PTGER4: variants seen among roughly 807,000 people sequenced by gnomAD.
The protein encoded by PTGER4 is prostaglandin E receptor 4.
PTGER4 carries 11 observed loss-of-function variants against 33.2 expected under a neutral mutation model. The ratio of observed to expected loss-of-function variants is 0.33; its 90% CI spans 0.21 to 0.55. The LOEUF (loss-of-function observed/expected upper bound fraction) is 0.55. PTGER4 is among the 20% of genes least tolerant of loss of function. The pLI is 0.92. For missense variants in PTGER4, 481 were observed against 650.2 expected (o/e 0.74, Z 2.83); for synonymous variants, 275 against 281.5 (o/e 0.98, Z 0.23).
chr5:40,687,477 C>A (rs1390685520), intron 2 of PTGER4, among the ~76,000 whole-genome samples: 2 of 152,178 alleles, frequency 1.3e-5, no homozygotes, highest in Non-Finnish European at 2.9e-5. Flanking sequence ...GCTTTCACCC[C>A]CTCACGAGAC....
chr5:40,721,398 A>G, the PTGER4 span, among the ~76,000 whole-genome samples: 3 of 152,348 alleles, frequency 2.0e-5, no homozygotes, highest in Middle Eastern at 3.4e-3. Context: ...ATTCTGGCAT[A>G]AAGTCAGATA....
chr5:40,743,728 C>T, the PTGER4 span, among the ~76,000 whole-genome samples: 1 of 152,026 alleles, frequency 6.6e-6, no homozygotes, highest in Non-Finnish European at 1.5e-5. Flanking sequence ...GAGCCAAGAT[C>T]GCGCCACTGC....
chr5:40,716,643 T>C, the PTGER4 span: 2 of 601,750 alleles, frequency 3.3e-6, no homozygotes, highest in Admixed American at 6.7e-5. Flanking sequence ...AGATGGAAGC[T>C]ACGGTGTTGC....
At chr5:40,685,272 T>C in intron 2 of PTGER4, 1 of 378,378 alleles carries the variant, frequency 2.6e-6, no homozygotes, top group Non-Finnish European at 3.6e-6. Context: ...CTGTGACTGT[T>C]TATTTGGTTC....
downstream of PTGER4, chr5:40,693,850 A>G (rs954431333): frequency 2.0e-6 from 1 of 512,364 alleles, no homozygotes; most frequent in Non-Finnish European, 2.5e-6. Flanking sequence ...ATAATTTTAA[A>G]GAAATATTGC....
At chr5:40,690,000 G>A (rs926676038) in intron 2 of PTGER4, among the ~76,000 whole-genome samples, 1 of 151,854 alleles carries the variant, frequency 6.6e-6, no homozygotes, top group African/African-American at 2.4e-5. Flanking sequence ...TGATCCCAGT[G>A]GAATTAGAAG....
At chr5:40,697,223 AAGAAAAG>A (rs1741622403), downstream of PTGER4, among the ~76,000 whole-genome samples, 5 of 96,868 alleles carry the variant, frequency 5.2e-5, no homozygotes, top group African/African-American at 1.6e-4. Flanking sequence ...AAAAAGAAAG[AAGAAAAG>A]AAAGAAAGAA....
the PTGER4 span, among the ~76,000 whole-genome samples, chr5:40,743,084 A>C: frequency 2.6e-5 from 4 of 152,226 alleles, no homozygotes; most frequent in Non-Finnish European, 5.9e-5. Context: ...TATTCTAAAC[A>C]CACTAAATAA....
the PTGER4 span, chr5:40,728,226 G>A: frequency 5.4e-5 from 42 of 779,372 alleles, 1 homozygote; most frequent in Non-Finnish European, 6.6e-5. Context: ...GGAGGTTGCC[G>A]TGAGCTGAGA....
At chr5:40,695,482 G>C (rs1741568665), downstream of PTGER4, among the ~76,000 whole-genome samples, 1 of 152,158 alleles carries the variant, frequency 6.6e-6, no homozygotes, top group Non-Finnish European at 1.5e-5. Context: ...GGAGGCGGGG[G>C]TTGCAGTGAG....
At chr5:40,739,788 C>G in the PTGER4 span, among the ~76,000 whole-genome samples, 3 of 152,162 alleles carry the variant, frequency 2.0e-5, no homozygotes, top group Admixed American at 6.5e-5. Context: ...TGAGGACAAA[C>G]TAATACAAGT....
intron 2 of PTGER4, among the ~76,000 whole-genome samples, chr5:40,686,847 A>G (rs895999909): frequency 3.9e-5 from 6 of 152,190 alleles, no homozygotes; most frequent in Non-Finnish European, 2.9e-5. Flanking sequence ...GCAATGAGCC[A>G]TGTTTGTATC....
At chr5:40,715,872 T>G in the PTGER4 span, 1 of 323,090 alleles carries the variant, frequency 3.1e-6, no homozygotes, top group Non-Finnish European at 5.6e-6. Context: ...GTCTTTAAAA[T>G]GTATTCATTT....
At chr5:40,713,331 T>G in the PTGER4 span, among the ~76,000 whole-genome samples, 1 of 152,136 alleles carries the variant, frequency 6.6e-6, no homozygotes, top group Non-Finnish European at 1.5e-5. Context: ...TTTTGAATCA[T>G]TATGTAATTT....
rs1741458666 is a variant in PTGER4 at position 40,691,139 on chromosome 5, C to T, written c.868-640C>T. 2.0e-5 allele frequency among the ~76,000 whole-genome samples: 3 copies of T among 152,024 alleles called. No homozygotes were observed. Among genetic ancestry groups the T allele is most frequent in the Non-Finnish European group, 4.4e-5 (3 of 68,008 alleles). On this transcript the variant is annotated intron_variant, in intron 2 of 2. Coordinates refer to ENST00000302472, the MANE Select transcript of PTGER4 (RefSeq NM_000958.3). The surrounding 1 kb of genome is among the most constrained non-coding windows in gnomAD (Gnocchi z 4.2). ...GCATTCAAGCCATTCTCCTGCCTCA[C>T]CCTCCTGAGTAGCTGGGATTATAGG...
At position 40,692,193 on chromosome 5, in the gene PTGER4, A is replaced by C. The variant is rs369680474; in HGVS notation, c.1282A>C (p.Thr428Pro). ...TGGCATGGGCCTGGCCCAGGAAGACACCACCTCACTGAGGACTTTGCGAAT... is the reference window on the plus strand; with the variant it reads ...TGGCATGGGCCTGGCCCAGGAAGACCCCACCTCACTGAGGACTTTGCGAAT... ...VPGMGLAQED[T>P]TSLRTLRISE... Residue 428 changes from threonine (T) to proline (P), a missense_variant, in exon 3 of 3, where the codon ACC (threonine) becomes CCC (proline). Coordinates refer to ENST00000302472, the MANE Select transcript of PTGER4 (RefSeq NM_000958.3). 68 of 1,614,220 alleles carry C rather than the reference A, an allele frequency of 4.2e-5. No individual in the cohort carries two copies. The African/African-American group carries it at 7.6e-4, about 18-fold the overall frequency.
intron 2 of PTGER4, among the ~76,000 whole-genome samples, chr5:40,690,795 G>T (rs1042116124): frequency 3.3e-5 from 5 of 151,998 alleles, no homozygotes; most frequent in Admixed American, 6.6e-5. Context: ...GCTTTTGGGG[G>T]AAAAAAGTTA....
At chr5:40,682,809 A>G (rs531606874) in intron 2 of PTGER4, among the ~76,000 whole-genome samples, 1 of 152,346 alleles carries the variant, frequency 6.6e-6, no homozygotes, top group South Asian at 2.1e-4. Flanking sequence ...ATGTGTTATT[A>G]CATCACGTCT....
intron 2 of PTGER4, among the ~76,000 whole-genome samples, chr5:40,688,990 G>A (rs975867813): frequency 3.0e-4 from 46 of 152,004 alleles, no homozygotes; most frequent in Non-Finnish European, 6.2e-4. Flanking sequence ...AATATTTACG[G>A]GCAGATGAGT....
Sources: gnomAD v4.1 joint callset for allele counts (sites outside exome capture counted in the v4.1 genomes callset) on GRCh38, gnomAD v4.1.1 for gene constraint, Gnocchi (gnomAD v3.1) non-coding constraint, MANE v1.5 for transcripts, NCBI Gene and HGNC (gene_info 2026-07-23, HGNC 2026-07-21) for gene names.